Variants in UNC13B observed in about 807,000 individuals in gnomAD.
UNC13B encodes the protein protein unc-13 homolog B.
A neutral mutation model predicts 211.0 loss-of-function variants in UNC13B; 144 were observed. The observed-to-expected ratio is 0.68, with a 90% CI of 0.60 to 0.78. The LOEUF is 0.78. UNC13B is among the 30% of genes least tolerant of loss of function. The pLI, the probability that UNC13B is intolerant of heterozygous loss-of-function variation, is 0.00. For synonymous variants in UNC13B, 709 were observed against 725.8 expected (o/e 0.98, Z 0.37); for missense variants, 1,777 against 2,002.0 (o/e 0.89, Z 2.14).
intron 11 of UNC13B, among the ~76,000 whole-genome samples, chr9:35,319,557 C>T (rs1404883222): frequency 3.9e-5 from 6 of 152,058 alleles, no homozygotes; most frequent in South Asian, 2.1e-4. Flanking sequence ...TTTTCAATCC[C>T]TGCCATCTTC....
chr9:35,350,053 A>G (rs753406578), intron 11 of UNC13B, among the ~76,000 whole-genome samples: 1 of 152,184 alleles, frequency 6.6e-6, no homozygotes, highest in Non-Finnish European at 1.5e-5. Flanking sequence ...CCACCAATCC[A>G]TCTTACCCCT....
intron 1 of UNC13B, among the ~76,000 whole-genome samples, chr9:35,173,624 G>C (rs893881121): frequency 1.3e-5 from 2 of 151,904 alleles, no homozygotes; most frequent in African/African-American, 4.8e-5. Context: ...GGGTTTCACC[G>C]TGTTGCCCAG....
At chr9:35,274,078 G>T (rs1182704337) in intron 7 of UNC13B, among the ~76,000 whole-genome samples, 2 of 151,974 alleles carry the variant, frequency 1.3e-5, no homozygotes, top group African/African-American at 4.8e-5. Context: ...TAACTACCTC[G>T]CACAGCTCCA....
At chr9:35,237,474 T>C (rs2131533491) in intron 4 of UNC13B, among the ~76,000 whole-genome samples, 1 of 152,282 alleles carries the variant, frequency 6.6e-6, no homozygotes. Flanking sequence ...CATTCTGTCC[T>C]CGTTAGACCT....
Position 35,331,986 on chromosome 9 carries a change from T to G in UNC13B, c.9414+17997T>G, listed in dbSNP as rs1195497141. ...GATAGGTAACCAGTAGGCTTCCAAC[T>G]AGCCTTTTTTTTTTTTGAACGGAGT... On this transcript the variant is annotated intron_variant, in intron 11 of 39. Coordinates refer to ENST00000635942, the MANE Select transcript of UNC13B (RefSeq NM_001371189.2). 2.0e-5 allele frequency among the ~76,000 whole-genome samples: 3 copies of G among 151,948 alleles called. 1 individual carries two copies. Among genetic ancestry groups the G allele is most frequent in the African/African-American group, 7.3e-5 (3 of 41,364 alleles).
At chr9:35,176,856 TAGA>T (rs1208627058) in intron 1 of UNC13B, among the ~76,000 whole-genome samples, 2 of 152,266 alleles carry the variant, frequency 1.3e-5, no homozygotes, top group African/African-American at 2.4e-5. Flanking sequence ...AACTGAGATC[TAGA>T]AGAAGAGGAC....
chr9:35,172,998 C>T (rs550974590), intron 1 of UNC13B, among the ~76,000 whole-genome samples: 2 of 152,196 alleles, frequency 1.3e-5, no homozygotes, highest in East Asian at 3.9e-4. Flanking sequence ...GAAGACAGGC[C>T]TGTGGATTGT....
intron 1 of UNC13B, among the ~76,000 whole-genome samples, chr9:35,225,711 C>G (rs918813010): frequency 1.3e-5 from 2 of 152,028 alleles, no homozygotes; most frequent in Non-Finnish European, 2.9e-5. Flanking sequence ...GAGGCTGTGA[C>G]AAGACTTTGC....
rs551982123 is a variant in UNC13B, at chr9:35,399,968, T to C, written c.12336+239T>C. Among the ~76,000 whole-genome samples, 14 of 152,300 alleles carry C rather than the reference T, an allele frequency of 9.2e-5. No individual in the cohort carries two copies. In the South Asian group the frequency reaches 2.5e-3, roughly 27 times the overall value. On this transcript the variant is annotated intron_variant, in intron 36 of 39. Coordinates refer to ENST00000635942, the MANE Select transcript of UNC13B (RefSeq NM_001371189.2). ...TGCTTCAAGGCACCTGGGAGAGGTATGTCATAGGTCTCAAGTTCTCTAAGG... is the reference window on the plus strand; with the variant it reads ...TGCTTCAAGGCACCTGGGAGAGGTACGTCATAGGTCTCAAGTTCTCTAAGG...
chr9:35,302,310 G>T lies in UNC13B; in HGVS notation c.2906G>T (p.Ser969Ile). Residue 969 changes from serine (S) to isoleucine (I), a missense_variant, in exon 9 of 40, where the codon AGT becomes ATT. Coordinates refer to ENST00000635942, the MANE Select transcript of UNC13B (RefSeq NM_001371189.2). ...GCCAAACTTAATTCAATAAAATCTA[G>T]TTCAGTTCCAAATATTCATGATGAT... Reference protein sequence around the residue: ...EDAKLNSIKSSSVPNIHDDLE... With the variant: ...EDAKLNSIKSISVPNIHDDLE... 1 of 398,462 alleles carries T rather than the reference G, an allele frequency of 2.5e-6. No individual in the cohort carries two copies. The allele number at this position is 398,462 out of a possible 1,614,324, so 24.7% of individuals were successfully genotyped here.
chr9:35,393,186 A>G (rs920249023), intron 26 of UNC13B, among the ~76,000 whole-genome samples: 1 of 152,234 alleles, frequency 6.6e-6, no homozygotes, highest in East Asian at 1.9e-4. Context: ...GGTAGTTACA[A>G]CACAAAGTTA....
At chr9:35,400,570 A>C in intron 37 of UNC13B, 127 bp downstream of exon 37, 1 of 1,167,820 alleles carries the variant, frequency 8.6e-7, no homozygotes, top group Non-Finnish European at 1.2e-6. Flanking sequence ...TCAAATTCAG[A>C]TCTCTATTGC....
Position 35,402,647 on chromosome 9 carries a change from G to A in UNC13B, c.12485-520G>A, listed in dbSNP as rs1026248474. On this transcript the variant is annotated intron_variant, in intron 37 of 39. Coordinates refer to ENST00000635942, the MANE Select transcript of UNC13B (RefSeq NM_001371189.2). ...AGCCTGTAGATTGGCTCTTTTCAGA[G>A]ATTGGAACTGGGGAGTTCATTCTAT... Among the ~76,000 whole-genome samples, 14 of 152,066 alleles carry A rather than the reference G, an allele frequency of 9.2e-5. No homozygotes were observed. In the South Asian group the frequency reaches 1.9e-3, roughly 20 times the overall value.
At chr9:35,286,698 AT>A (rs771084368) in intron 7 of UNC13B, among the ~76,000 whole-genome samples, 21 of 152,288 alleles carry the variant, frequency 1.4e-4, no homozygotes, top group African/African-American at 2.4e-4. Context: ...CTACAAAAAA[AT>A]AATACCACTA....
intron 6 of UNC13B, among the ~76,000 whole-genome samples, chr9:35,255,153 G>A (rs759365004): frequency 2.8e-5 from 4 of 142,540 alleles, no homozygotes; most frequent in Non-Finnish European, 4.5e-5. Context: ...GAGTGCAGTG[G>A]CACTCCAGTG....
At chr9:35,290,981 A>G (rs572624637) in intron 7 of UNC13B, 163 of 1,358,936 alleles carry the variant, frequency 1.2e-4, no homozygotes, top group Middle Eastern at 7.2e-4. Context: ...AAGGCACATA[A>G]TAATTGCTGA....
At position 35,403,892 on chromosome 9, in the gene UNC13B, G is replaced by T. The variant is rs1836511388; in HGVS notation, c.12882G>T (p.Trp4294Cys). 1 of 1,614,048 alleles carries T rather than the reference G, an allele frequency of 6.2e-7. No individual in the cohort carries two copies. The highest frequency in any genetic ancestry group is 8.5e-7 in the Non-Finnish European group (1 of 1,180,036). ...DVTAKGSCAC[W>C]CPLGRKIHMD... ...CAGCCAAGGGCAGCTGTGCCTGCTG[G>T]TGCCCCTTGGGCCGGAAGATCCATA... The change falls in exon 40 of 40, where the codon TGG (tryptophan) becomes TGT (cysteine). Residue 4294 changes from tryptophan to cysteine, a missense_variant. By Grantham distance (215) the Trp-to-Cys change is radical. Transcript: ENST00000635942.
chr9:35,353,071 A>C, intron 11 of UNC13B: 4 of 1,232,198 alleles, frequency 3.2e-6, no homozygotes, highest in Non-Finnish European at 3.0e-6. Flanking sequence ...ACAAGTCCAG[A>C]AGGCTTGCAG....
chr9:35,214,469 AAAG>A lies in UNC13B; in HGVS notation c.23-13543_23-13541del, dbSNP rs553004552. ...CAACAACAACAACAAGAACAAAACA[AAAG>A]AAACTAGGTATATTTGAAAAAGAAC... On this transcript the variant is annotated intron_variant, in intron 1 of 39. Coordinates refer to ENST00000635942, the MANE Select transcript of UNC13B (RefSeq NM_001371189.2). Among the ~76,000 whole-genome samples, 298 of 152,172 alleles carry A rather than the reference AAAG, an allele frequency of 2.0e-3. 1 individual carries two copies. The Middle Eastern group carries it at 0.034, about 17-fold the overall frequency.
Sources: allele counts gnomAD v4.1 joint callset (sites outside exome capture counted in the v4.1 genomes callset), GRCh38; gene constraint gnomAD v4.1.1; transcripts MANE v1.5; gene names NCBI Gene and HGNC (gene_info 2026-07-23, HGNC 2026-07-21).